The following TMEM272 variants were observed in gnomAD, a reference collection of about 807,000 sequenced individuals.
The protein encoded by TMEM272 is long intergenic non-protein coding RNA 282.
A neutral mutation model predicts 3.7 loss-of-function variants in TMEM272; 8 were observed. The observed-to-expected ratio is 2.17, with a 90% CI of 1.27 to 3.91. TMEM272 has a LOEUF of 3.91. Among genes scored for constraint, TMEM272 ranks in the 30% most tolerant of loss-of-function variants. TMEM272 has a pLI of 0.00. For synonymous variants in TMEM272, 63 were observed against 39.8 expected, an observed-to-expected ratio of 1.58 and a Z score of -2.20; for missense variants, 166 against 91.5, an observed-to-expected ratio of 1.81 and a Z score of -3.32.
At chr13:51,871,463 C>T in the TMEM272 span, among the ~76,000 whole-genome samples, 3 of 152,162 alleles carry the variant, frequency 2.0e-5, no homozygotes, top group Non-Finnish European at 1.5e-5. Context: ...CTGCCTTGCT[C>T]TCTCTTGAAT....
intron 2 of TMEM272, among the ~76,000 whole-genome samples, chr13:51,830,315 T>C (rs1956162637): frequency 6.6e-6 from 1 of 152,214 alleles, no homozygotes; most frequent in African/African-American, 2.4e-5. Flanking sequence ...CTGAGAGAGA[T>C]GGCCAGGGCC....
the TMEM272 span, among the ~76,000 whole-genome samples, chr13:51,881,279 G>A: frequency 6.6e-6 from 1 of 151,988 alleles, no homozygotes; most frequent in East Asian, 1.9e-4. Flanking sequence ...CATTCACCAG[G>A]GATAGTTCTA....
the TMEM272 span, among the ~76,000 whole-genome samples, chr13:51,868,873 C>G: frequency 6.6e-6 from 1 of 152,232 alleles, no homozygotes; most frequent in African/African-American, 2.4e-5. Flanking sequence ...CATCTATTGT[C>G]ATAACTGTTG....
chr13:51,856,618 G>A, the TMEM272 span, among the ~76,000 whole-genome samples: 4 of 152,246 alleles, frequency 2.6e-5, no homozygotes, highest in South Asian at 4.1e-4. Context: ...TTCTCTTACC[G>A]TCATCATTTT....
the TMEM272 span, among the ~76,000 whole-genome samples, chr13:51,899,957 A>C: frequency 6.6e-6 from 1 of 152,190 alleles, no homozygotes; most frequent in Non-Finnish European, 1.5e-5. Context: ...CTATAAAAGA[A>C]TGAAGTTGGA....
At chr13:51,864,117 CTTTT>C in the TMEM272 span, among the ~76,000 whole-genome samples, 1 of 151,232 alleles carries the variant, frequency 6.6e-6, no homozygotes. Flanking sequence ...CCCTCCCTCT[CTTTT>C]TCTTTTCTTT....
At chr13:51,923,990 C>G in the TMEM272 span, among the ~76,000 whole-genome samples, 1 of 152,208 alleles carries the variant, frequency 6.6e-6, no homozygotes, top group African/African-American at 2.4e-5. Flanking sequence ...TGAATTATCT[C>G]GAGTTAATAA....
At chr13:51,898,635 T>C in the TMEM272 span, among the ~76,000 whole-genome samples, 7 of 149,508 alleles carry the variant, frequency 4.7e-5, no homozygotes, top group Non-Finnish European at 8.9e-5. Flanking sequence ...AAATGTTAGT[T>C]CTCTCTCCTC....
the TMEM272 span, among the ~76,000 whole-genome samples, chr13:51,853,876 G>A: frequency 1.3e-5 from 2 of 152,284 alleles, no homozygotes; most frequent in East Asian, 3.9e-4. Context: ...TTACCTTTGA[G>A]TATTGGGATA....
chr13:51,849,076 C>T, upstream of TMEM272, among the ~76,000 whole-genome samples: 1 of 152,090 alleles, frequency 6.6e-6, no homozygotes, highest in East Asian at 1.9e-4. Context: ...TTTCATTTTC[C>T]TTTTGACTTT....
At chr13:51,921,170 C>T in the TMEM272 span, 1 of 152,254 alleles carries the variant, frequency 6.6e-6, no homozygotes, top group Non-Finnish European at 1.5e-5. Context: ...CAAGTACCTG[C>T]AGTGACCATG....
chr13:51,889,326 G>C, the TMEM272 span, among the ~76,000 whole-genome samples: 2 of 152,096 alleles, frequency 1.3e-5, no homozygotes, highest in East Asian at 1.9e-4. Flanking sequence ...ATCCTCTAAA[G>C]TGACTATATT....
At chr13:51,908,912 T>A in the TMEM272 span, 1 of 1,402,002 alleles carries the variant, frequency 7.1e-7, no homozygotes, top group Non-Finnish European at 1.0e-6. Flanking sequence ...ATTCTCCTCT[T>A]TCCTTGGTAA....
At chr13:51,883,445 T>C in the TMEM272 span, among the ~76,000 whole-genome samples, 7 of 152,286 alleles carry the variant, frequency 4.6e-5, no homozygotes, top group African/African-American at 1.7e-4. Flanking sequence ...AGAAGGGGCC[T>C]GAAGTGGGCA....
chr13:51,832,160 A>G (rs1173922521), intron 2 of TMEM272, among the ~76,000 whole-genome samples: 2 of 152,170 alleles, frequency 1.3e-5, no homozygotes, highest in African/African-American at 2.4e-5. Flanking sequence ...AGTGCATTTC[A>G]GGGTGGGCTG....
At chr13:51,905,077 T>G in the TMEM272 span, among the ~76,000 whole-genome samples, 1 of 152,174 alleles carries the variant, frequency 6.6e-6, no homozygotes, top group South Asian at 2.1e-4. Flanking sequence ...CAAATGCTCC[T>G]GGGGGAGGTC....
At chr13:51,916,933 G>A in the TMEM272 span, among the ~76,000 whole-genome samples, 1 of 152,122 alleles carries the variant, frequency 6.6e-6, no homozygotes, top group African/African-American at 2.4e-5. Context: ...GGGAAGCTGC[G>A]TGATCACCTG....
At chr13:51,909,526 G>A in the TMEM272 span, 11 of 1,038,896 alleles carry the variant, frequency 1.1e-5, no homozygotes, top group Admixed American at 3.5e-5. Flanking sequence ...TGTGTTTTCC[G>A]ACTGCAAAGA....
At chr13:51,835,271 A>C (rs1330482631) in intron 2 of TMEM272, among the ~76,000 whole-genome samples, 2 of 150,764 alleles carry the variant, frequency 1.3e-5, no homozygotes, top group African/African-American at 4.9e-5. Flanking sequence ...TCACCAGGCT[A>C]GAGTGTGCAG....
Sources: allele counts gnomAD v4.1 joint callset (sites outside exome capture counted in the v4.1 genomes callset), GRCh38; gene constraint gnomAD v4.1.1; transcripts MANE v1.5; gene names NCBI Gene and HGNC (gene_info 2026-07-23, HGNC 2026-07-21).